ZNF385B: variants seen among roughly 807,000 people sequenced by gnomAD.
ZNF385B encodes the protein zinc finger protein 385B.
A neutral mutation model predicts 39.2 loss-of-function variants in ZNF385B; 23 were observed. The observed-to-expected ratio is 0.59, with a 90% CI of 0.42 to 0.83. ZNF385B has a LOEUF of 0.83. ZNF385B is among the 40% of genes least tolerant of loss of function. ZNF385B has a pLI of 0.00. For synonymous variants in ZNF385B, 205 were observed against 222.6 expected (o/e 0.92, Z 0.70); for missense variants, 552 against 598.9 (o/e 0.92, Z 0.82).
At chr2:179,484,570 C>A (rs1279417732) in intron 5 of ZNF385B, among the ~76,000 whole-genome samples, 3 of 141,816 alleles carry the variant, frequency 2.1e-5, no homozygotes, top group Non-Finnish European at 4.7e-5. Context: ...CCTCAACAAG[C>A]AGAATACAGG....
Position 179,522,173 on chromosome 2 carries a change from C to T in ZNF385B, c.442-3535G>A, listed in dbSNP as rs192676679. On this transcript the variant is annotated intron_variant, in intron 4 of 9. Coordinates refer to ENST00000410066, the MANE Select transcript of ZNF385B (RefSeq NM_152520.6). ...CTCTGATGCAATAACTACAAATACTCGAGTCATTTCAATGGGATCCAAATG... is the reference window on the plus strand; with the variant it reads ...CTCTGATGCAATAACTACAAATACTTGAGTCATTTCAATGGGATCCAAATG... Among the ~76,000 whole-genome samples, 51 of 152,194 alleles carry T rather than the reference C, an allele frequency of 3.4e-4. No homozygotes were observed. The Middle Eastern group carries it at 0.01, about 30-fold the overall frequency.
At chr2:179,471,246 G>A (rs1348395676) in intron 6 of ZNF385B, among the ~76,000 whole-genome samples, 1 of 152,094 alleles carries the variant, frequency 6.6e-6, no homozygotes, top group African/African-American at 2.4e-5. Flanking sequence ...ATGACTAAGA[G>A]TTTCTTGCCT....
intron 6 of ZNF385B, among the ~76,000 whole-genome samples, chr2:179,459,687 ATT>A (rs2051101823): frequency 6.6e-6 from 1 of 151,230 alleles, no homozygotes; most frequent in African/African-American, 2.4e-5. Flanking sequence ...TTATAAGTCT[ATT>A]TATTAAATAA....
chr2:179,685,927 C>A (rs1457547819), intron 3 of ZNF385B, among the ~76,000 whole-genome samples: 1 of 152,156 alleles, frequency 6.6e-6, no homozygotes, highest in Non-Finnish European at 1.5e-5. Context: ...CAATAAGACC[C>A]AGTGTAAAGA....
At chr2:179,641,488 T>C (rs2106220492) in intron 3 of ZNF385B, among the ~76,000 whole-genome samples, 1 of 152,274 alleles carries the variant, frequency 6.6e-6, no homozygotes, top group South Asian at 2.1e-4. Flanking sequence ...GTACTTCAGC[T>C]TGTTAGTTCA....
chr2:179,598,588 GTATT>G (rs1164802806), intron 3 of ZNF385B, among the ~76,000 whole-genome samples: 1 of 151,964 alleles, frequency 6.6e-6, no homozygotes, highest in Admixed American at 6.6e-5. Context: ...ATTCTGATAT[GTATT>G]TATTAAAAAA....
At position 179,749,996 on chromosome 2, in the gene ZNF385B, A is replaced by T. The variant is rs181901192; in HGVS notation, c.298+19507T>A. 2.5e-3 allele frequency among the ~76,000 whole-genome samples: 382 copies of T among 152,258 alleles called. 1 individual carries two copies. The highest frequency in any genetic ancestry group is 3.9e-3 in the Non-Finnish European group (263 of 67,992). On this transcript the variant is annotated intron_variant, in intron 3 of 9. Transcript: ENST00000410066. ...TAATCATTTTATCAAACTTCCATTC[A>T]AACTCTTTTATGTATCAATCCCTTA... is the stretch of plus-strand genomic sequence containing the variant.
intron 1 of ZNF385B, among the ~76,000 whole-genome samples, chr2:179,825,291 T>C (rs1209898442): frequency 6.6e-6 from 1 of 152,146 alleles, no homozygotes; most frequent in African/African-American, 2.4e-5. Context: ...GCAAAGCCAG[T>C]CTAGTTCCCA....
At chr2:179,852,868 C>G (rs1684288121) in intron 1 of ZNF385B, among the ~76,000 whole-genome samples, 1 of 152,144 alleles carries the variant, frequency 6.6e-6, no homozygotes, top group Admixed American at 6.5e-5. Context: ...TGCTAAAGTC[C>G]AATAATGACT....
chr2:179,443,145 G>A lies in ZNF385B; in HGVS notation c.*105C>T, dbSNP rs2049110003. On this transcript the variant is annotated 3_prime_UTR_variant, in exon 10 of 10. Coordinates refer to ENST00000410066, the MANE Select transcript of ZNF385B (RefSeq NM_152520.6). Reference sequence around the variant, plus strand: ...GACTGGGTGGTGGGCTGCATTTTGTGGGTGAATGGGGGGTACTGCAACACA... The same window carrying A: ...GACTGGGTGGTGGGCTGCATTTTGTAGGTGAATGGGGGGTACTGCAACACA... The A allele has an allele frequency of 8.5e-7, 1 of 1,174,636 alleles. No homozygotes were observed. The highest frequency in any genetic ancestry group is 1.2e-6 in the Non-Finnish European group (1 of 836,970). 72.8% of individuals were successfully genotyped at this position (1,174,636 alleles called of 1,614,324 possible).
intron 1 of ZNF385B, among the ~76,000 whole-genome samples, chr2:179,830,820 G>A (rs1707942234): frequency 6.6e-6 from 1 of 152,126 alleles, no homozygotes; most frequent in Admixed American, 6.6e-5. Context: ...TCCATAGACT[G>A]TACAACACAA....
At chr2:179,816,194 T>C (rs187113386) in intron 1 of ZNF385B, among the ~76,000 whole-genome samples, 26 of 152,314 alleles carry the variant, frequency 1.7e-4, no homozygotes, top group Admixed American at 6.5e-4. Flanking sequence ...GCTAAAAACC[T>C]TGGAATCATC....
intron 6 of ZNF385B, among the ~76,000 whole-genome samples, chr2:179,448,131 T>C (rs919527906): frequency 1.3e-5 from 2 of 152,100 alleles, no homozygotes; most frequent in Non-Finnish European, 2.9e-5. Flanking sequence ...TCCCTTTCAG[T>C]GACTGTACTA....
intron 3 of ZNF385B, among the ~76,000 whole-genome samples, chr2:179,682,800 C>G (rs1245107921): frequency 6.6e-6 from 1 of 152,040 alleles, no homozygotes; most frequent in African/African-American, 2.4e-5. Context: ...CTTCACTGCC[C>G]CATGAGGTTG....
rs374296566 is a variant in ZNF385B at position 179,605,051 on chromosome 2, CG to C, written c.299-60083del. On this transcript the variant is annotated intron_variant, in intron 3 of 9. Coordinates refer to ENST00000410066, the MANE Select transcript of ZNF385B (RefSeq NM_152520.6). The stretch of plus-strand genomic sequence containing the variant: ...ATATCCTATATCTTTAATATAATAA[CG>C]TCTGTCTCCCCTATCTCAAGGATTT... Among the ~76,000 whole-genome samples, 65 of 151,760 alleles carry C rather than the reference CG, an allele frequency of 4.3e-4. No homozygotes were observed. The East Asian group carries it at 0.013, about 29-fold the overall frequency.
At chr2:179,810,933 C>A (rs1314687614) in intron 1 of ZNF385B, among the ~76,000 whole-genome samples, 2 of 151,968 alleles carry the variant, frequency 1.3e-5, no homozygotes, top group Non-Finnish European at 2.9e-5. Context: ...AAAAGGTTCC[C>A]AGAACTGATA....
intron 3 of ZNF385B, among the ~76,000 whole-genome samples, chr2:179,624,176 T>C (rs1451025748): frequency 6.6e-6 from 1 of 152,186 alleles, no homozygotes; most frequent in Non-Finnish European, 1.5e-5. Context: ...TACACCTTTA[T>C]TTATTTTCTC....
At chr2:179,446,129 G>A (rs1356092927) in intron 7 of ZNF385B, among the ~76,000 whole-genome samples, 2 of 151,932 alleles carry the variant, frequency 1.3e-5, no homozygotes, top group South Asian at 4.2e-4. Context: ...TGTTTTAATG[G>A]CTGATTAACA....
intron 6 of ZNF385B, among the ~76,000 whole-genome samples, chr2:179,461,370 G>A (rs192240927): frequency 1.1e-3 from 162 of 152,304 alleles, no homozygotes; most frequent in African/African-American, 3.6e-3. Context: ...GCTAATGGTT[G>A]CTTAGACAAA....
Sources: gnomAD v4.1 joint callset for allele counts (sites outside exome capture counted in the v4.1 genomes callset) on GRCh38, gnomAD v4.1.1 for gene constraint, MANE v1.5 for transcripts, NCBI Gene and HGNC (gene_info 2026-07-23, HGNC 2026-07-21) for gene names.